The following WRN variants were observed in gnomAD, a reference collection of about 807,000 sequenced individuals.
WRN encodes bifunctional 3'-5' exonuclease/ATP-dependent helicase WRN.
In WRN, 149 loss-of-function variants were observed where a neutral mutation model predicts 180.7. The observed-to-expected ratio is 0.82, with a 90% CI of 0.72 to 0.94. WRN has a LOEUF of 0.94. WRN is among the 40% of genes least tolerant of loss of function. The pLI is 0.00. For synonymous variants in WRN, 548 were observed against 568.9 expected (o/e 0.96, Z 0.52); for missense variants, 1,661 against 1,700.1 (o/e 0.98, Z 0.40).
intron 8 of WRN, among the ~76,000 whole-genome samples, chr8:31,076,790 CA>C (rs1813110476): frequency 6.6e-6 from 1 of 152,070 alleles, no homozygotes; most frequent in African/African-American, 2.4e-5. Flanking sequence ...ATTATTAGAA[CA>C]AAAGGCATTC....
intron 3 of WRN, among the ~76,000 whole-genome samples, chr8:31,060,525 C>T (rs1023504858): frequency 6.6e-6 from 1 of 152,140 alleles, no homozygotes. Flanking sequence ...GGCAACAGGG[C>T]AAAACCCTGT....
Position 31,058,558 on chromosome 8 carries a change from G to A in WRN, c.96+15G>A. The A allele has an allele frequency of 6.2e-7, 1 of 1,611,484 alleles. No homozygotes were observed. The highest frequency in any genetic ancestry group is 8.5e-7 in the Non-Finnish European group (1 of 1,178,106). On this transcript the variant is annotated intron_variant, in intron 2 of 34. Transcript: ENST00000298139. Reference sequence around the variant, plus strand: ...AAGAAAGAAAGGTATGTTGTTCATTGACTATTCTTTTGGGTGAGAAATTTA... The same window carrying A: ...AAGAAAGAAAGGTATGTTGTTCATTAACTATTCTTTTGGGTGAGAAATTTA...
At chr8:31,070,405 C>G (rs1247009258) in intron 7 of WRN, among the ~76,000 whole-genome samples, 3 of 148,028 alleles carry the variant, frequency 2.0e-5, no homozygotes, top group Non-Finnish European at 3.0e-5. Flanking sequence ...GATATTTACA[C>G]ATTGTTTCCC....
intron 24 of WRN, among the ~76,000 whole-genome samples, chr8:31,132,718 C>T (rs1349298698): frequency 2.0e-5 from 3 of 152,092 alleles, no homozygotes; most frequent in Non-Finnish European, 2.9e-5. Context: ...ATGTTCAAGC[C>T]GATGTTCAGC....
chr8:31,151,079 C>T (rs892656735), intron 31 of WRN, among the ~76,000 whole-genome samples: 4 of 152,180 alleles, frequency 2.6e-5, no homozygotes, highest in African/African-American at 4.8e-5. Context: ...GACTACTAGA[C>T]TAGGAGTCAC....
chr8:31,170,492 G>A (rs1236686054), intron 34 of WRN, among the ~76,000 whole-genome samples: 1 of 152,154 alleles, frequency 6.6e-6, no homozygotes, highest in Non-Finnish European at 1.5e-5. Flanking sequence ...CATGACAAAT[G>A]TATCAGGCTC....
At chr8:31,111,852 TAACAACTTATGTA>T in intron 19 of WRN, 53 bp downstream of exon 19, 2 of 1,501,638 alleles carry the variant, frequency 1.3e-6, no homozygotes, top group Non-Finnish European at 1.8e-6. Context: ...TTTTTTTTTT[TAACAACTTATGTA>T]TTTTATGTTA....
chr8:31,171,567 C>T (rs1284308700), intron 34 of WRN: 5 of 152,210 alleles, frequency 3.3e-5, no homozygotes, highest in Non-Finnish European at 5.9e-5. Context: ...TTTCTCTTCC[C>T]TGCTTGCAAT....
Position 31,111,596 on chromosome 8 carries a change from T to C in WRN, c.2089-19T>C, listed in dbSNP as rs374476985. The C allele has an allele frequency of 8.6e-5, 138 of 1,613,448 alleles. No individual in the cohort carries two copies. Among genetic ancestry groups the C allele is most frequent in the African/African-American group, 8.5e-4 (64 of 75,028 alleles). On this transcript the variant is annotated intron_variant, in intron 18 of 34. Transcript: ENST00000298139. ...AATGAGCTCTTTCCTTTTTAAAATATCAGTTTTACATCATTCAGGTTCCAA... is the reference window on the plus strand; with the variant it reads ...AATGAGCTCTTTCCTTTTTAAAATACCAGTTTTACATCATTCAGGTTCCAA...
chr8:31,147,385 G>GT lies in WRN; in HGVS notation c.3482dup (p.Glu1162ArgfsTer3). Reference sequence around the variant, plus strand: ...TCAGATTGTGTTATATGGCAAATTGGTAGAAGCTAGGCAGAAACATGCCAA... The same window carrying GT: ...TCAGATTGTGTTATATGGCAAATTGGTTAGAAGCTAGGCAGAAACATGCCAA... On this transcript the variant is annotated frameshift_variant, in exon 30 of 35. Transcript: ENST00000298139. LOFTEE classifies it high-confidence loss of function. The GT allele has an allele frequency of 1.2e-6, 2 of 1,614,000 alleles. No homozygotes were observed. The highest frequency in any genetic ancestry group is 1.7e-6 in the Non-Finnish European group (2 of 1,179,948).
intron 33 of WRN, among the ~76,000 whole-genome samples, chr8:31,160,174 C>T (rs540319407): frequency 6.6e-6 from 1 of 152,290 alleles, no homozygotes; most frequent in South Asian, 2.1e-4. Flanking sequence ...GCTTCTATAT[C>T]ACTTCCTAGC....
intron 34 of WRN, among the ~76,000 whole-genome samples, chr8:31,169,141 C>A (rs997387373): frequency 6.6e-6 from 1 of 151,826 alleles, no homozygotes; most frequent in Non-Finnish European, 1.5e-5. Context: ...GTTGGATCTT[C>A]ATTACCCAGC....
intron 7 of WRN, among the ~76,000 whole-genome samples, chr8:31,072,285 A>G (rs1381604552): frequency 6.6e-6 from 1 of 152,248 alleles, no homozygotes; most frequent in African/African-American, 2.4e-5. Flanking sequence ...ATTCATCATT[A>G]GATTTGGCAA....
chr8:31,052,103 T>C (rs1227309409), intron 1 of WRN, among the ~76,000 whole-genome samples: 1 of 152,242 alleles, frequency 6.6e-6, no homozygotes, highest in Non-Finnish European at 1.5e-5. Context: ...CTAGAATAGT[T>C]ACTGTCTAAC....
intron 1 of WRN, among the ~76,000 whole-genome samples, chr8:31,049,571 A>AT (rs113376821): frequency 0.5 from 75,634 of 151,650 alleles, 20,242 homozygotes; most frequent in Middle Eastern, 0.61. Context: ...GTGAGGTCCA[A>AT]TGGGTCAGAA....
chr8:31,048,267 T>C (rs1811944571), intron 1 of WRN, among the ~76,000 whole-genome samples: 1 of 152,226 alleles, frequency 6.6e-6, no homozygotes, highest in African/African-American at 2.4e-5. Context: ...GAAGTTAAGA[T>C]TAGCAGAAAT....
chr8:31,165,360 T>C (rs2130508814), intron 33 of WRN, among the ~76,000 whole-genome samples: 1 of 152,114 alleles, frequency 6.6e-6, no homozygotes, highest in East Asian at 1.9e-4. Context: ...TGGTTTCGAG[T>C]GTGGGAAAAT....
intron 2 of WRN, 77 bp downstream of exon 2, chr8:31,058,620 T>C (rs565466453): frequency 1.4e-6 from 2 of 1,454,190 alleles, no homozygotes; most frequent in East Asian, 4.9e-5. Context: ...AGTTGTTACT[T>C]GTAAACTTCA....
chr8:31,166,811 G>GACTTT (rs1803888916), intron 33 of WRN, among the ~76,000 whole-genome samples: 2 of 152,058 alleles, frequency 1.3e-5, no homozygotes, highest in Admixed American at 1.3e-4. Flanking sequence ...ACCTGACTTT[G>GACTTT]GATCTTGGAG....
Sources: allele counts gnomAD v4.1 joint callset (sites outside exome capture counted in the v4.1 genomes callset), GRCh38; gene constraint gnomAD v4.1.1; transcripts MANE v1.5; gene names NCBI Gene and HGNC (gene_info 2026-07-23, HGNC 2026-07-21).